The following KCNH7 variants were observed in gnomAD, a reference collection of about 807,000 sequenced individuals.
KCNH7 encodes potassium voltage-gated channel subfamily H member 7.
Under a neutral mutation model 120.8 loss-of-function variants are expected in KCNH7, and 49 were observed. The observed-to-expected ratio is 0.41, with a 90% CI of 0.32 to 0.51. The LOEUF is 0.51. Among genes scored for constraint, KCNH7 ranks in the 20% least tolerant of loss-of-function variants. The pLI is 0.38. For synonymous variants in KCNH7, 547 were observed against 516.1 expected (o/e 1.06, Z -0.81); for missense variants, 1,097 against 1,446.6 (o/e 0.76, Z 3.92).
intron 2 of KCNH7, among the ~76,000 whole-genome samples, chr2:162,731,276 T>C (rs992331375): frequency 6.7e-6 from 1 of 148,992 alleles, no homozygotes; most frequent in Non-Finnish European, 1.5e-5. Context: ...TAATATATAA[T>C]ATTAGTAAAA....
At chr2:162,513,246 C>G (rs1345353071) in intron 4 of KCNH7, among the ~76,000 whole-genome samples, 1 of 125,994 alleles carries the variant, frequency 7.9e-6, no homozygotes, top group African/African-American at 2.8e-5. Context: ...CCCTTTCTCC[C>G]TTCCCTCTTT....
chr2:162,470,724 C>T (rs1689493930), intron 6 of KCNH7, among the ~76,000 whole-genome samples: 1 of 152,128 alleles, frequency 6.6e-6, no homozygotes, highest in African/African-American at 2.4e-5. Context: ...TCTGCTCGGC[C>T]ACCACCCCGT....
At chr2:162,773,893 A>G (rs1187738525) in intron 2 of KCNH7, among the ~76,000 whole-genome samples, 2 of 152,198 alleles carry the variant, frequency 1.3e-5, no homozygotes, top group Non-Finnish European at 2.9e-5. Flanking sequence ...AATTACAAAC[A>G]CAAAAAATAT....
intron 2 of KCNH7, among the ~76,000 whole-genome samples, chr2:162,764,600 C>G (rs752682507): frequency 1.3e-5 from 2 of 152,084 alleles, no homozygotes; most frequent in African/African-American, 4.8e-5. Context: ...AATAATCACT[C>G]TCTTTACAGA....
intron 6 of KCNH7, among the ~76,000 whole-genome samples, chr2:162,478,924 T>C (rs867845855): frequency 3.3e-5 from 5 of 152,090 alleles, no homozygotes; most frequent in African/African-American, 9.7e-5. Context: ...TCCTTAATCA[T>C]TGTGACTCCC....
chr2:162,396,814 T>A lies in KCNH7; in HGVS notation c.2539A>T (p.Met847Leu). The change falls in exon 11 of 16, where the codon ATG (methionine) becomes TTG (leucine). Residue 847 changes from methionine (M) to leucine (L), a missense_variant. By Grantham distance (15) the Met-to-Leu change is conservative. Transcript: ENST00000332142. ...AAGTGATCAGAAAACTCAGGATACA[T>A]ATCCAAAACCTCTAACAAGTCTTCT... ...QREDLLEVLDMYPEFSDHFLT... is the reference protein window; with the variant it reads ...QREDLLEVLDLYPEFSDHFLT... 6.2e-7 allele frequency: 1 copy of A among 1,611,890 alleles called. No homozygotes were observed. Among genetic ancestry groups the A allele is most frequent in the South Asian group, 1.1e-5 (1 of 91,040 alleles).
At chr2:162,718,012 GTCTC>G (rs928385025) in intron 2 of KCNH7, among the ~76,000 whole-genome samples, 24 of 150,616 alleles carry the variant, frequency 1.6e-4, no homozygotes, top group Admixed American at 1.4e-3. Flanking sequence ...TTGGTTCATT[GTCTC>G]TCTCCCTTTT....
intron 13 of KCNH7, among the ~76,000 whole-genome samples, chr2:162,383,530 G>A (rs1469397558): frequency 6.6e-6 from 1 of 151,884 alleles, no homozygotes; most frequent in Non-Finnish European, 1.5e-5. Flanking sequence ...TAAAGCCTAA[G>A]TATCCTAGAT....
chr2:162,712,203 G>A (rs1389541309), intron 2 of KCNH7, among the ~76,000 whole-genome samples: 1 of 151,888 alleles, frequency 6.6e-6, no homozygotes. Flanking sequence ...AAGTGAAGAA[G>A]TTTAATGTCA....
intron 2 of KCNH7, among the ~76,000 whole-genome samples, chr2:162,774,788 T>G (rs919221985): frequency 6.6e-6 from 1 of 152,198 alleles, no homozygotes; most frequent in Non-Finnish European, 1.5e-5. Flanking sequence ...TTTTGGTGTC[T>G]TTCGAGTCTC....
rs181903177 is a variant in KCNH7 at position 162,720,050 on chromosome 2, A to G, written c.307+116487T>C. On this transcript the variant is annotated intron_variant, in intron 2 of 15. Coordinates refer to ENST00000332142, the MANE Select transcript of KCNH7 (RefSeq NM_033272.4). ...ACATAGCCTTTATTGCTGCCTTGAG[A>G]TAGGTCTTATCAGGAAGTCCACGAA... Among the ~76,000 whole-genome samples, 214 of 152,136 alleles carry G rather than the reference A, an allele frequency of 1.4e-3. 1 individual carries two copies. Among genetic ancestry groups the G allele is most frequent in the Middle Eastern group, 3.4e-3 (1 of 294 alleles).
chr2:162,580,608 G>T (rs1429664552), intron 2 of KCNH7, among the ~76,000 whole-genome samples: 1 of 152,040 alleles, frequency 6.6e-6, no homozygotes, highest in East Asian at 1.9e-4. Context: ...ATCTTCATGG[G>T]TTGTTGTAGA....
intron 2 of KCNH7, among the ~76,000 whole-genome samples, chr2:162,779,042 A>G (rs916963915): frequency 1.3e-5 from 2 of 151,754 alleles, no homozygotes; most frequent in Admixed American, 1.3e-4. Flanking sequence ...TGTAATTTTA[A>G]TTACTTATCA....
At chr2:162,683,941 AACTATAGTACT>A (rs1685797054) in intron 2 of KCNH7, among the ~76,000 whole-genome samples, 1 of 152,076 alleles carries the variant, frequency 6.6e-6, no homozygotes, top group African/African-American at 2.4e-5. Context: ...CCTGACTTCT[AACTATAGTACT>A]ACAAGGCTAC....
chr2:162,404,077 A>C (rs1687138664), intron 9 of KCNH7, among the ~76,000 whole-genome samples: 1 of 151,560 alleles, frequency 6.6e-6, no homozygotes. Context: ...CTGACATAGG[A>C]CCTCCTCATT....
At chr2:162,490,820 C>G (rs998184601) in intron 6 of KCNH7, among the ~76,000 whole-genome samples, 3 of 152,180 alleles carry the variant, frequency 2.0e-5, no homozygotes, top group Non-Finnish European at 4.4e-5. Context: ...GTTAAGGGTG[C>G]TGCTGCAAAC....
At chr2:162,398,247 C>T (rs1000156332) in intron 10 of KCNH7, among the ~76,000 whole-genome samples, 1 of 151,796 alleles carries the variant, frequency 6.6e-6, no homozygotes, top group Non-Finnish European at 1.5e-5. Flanking sequence ...AGTTCTTGTA[C>T]ACCTCACTGT....
chr2:162,724,889 G>A (rs1051814371), intron 2 of KCNH7, among the ~76,000 whole-genome samples: 12 of 152,096 alleles, frequency 7.9e-5, no homozygotes, highest in African/African-American at 2.9e-4. Context: ...AAAGGAAAAG[G>A]TTACTTCCTT....
At chr2:162,414,102 T>C (rs1237475733) in intron 9 of KCNH7, among the ~76,000 whole-genome samples, 4 of 151,612 alleles carry the variant, frequency 2.6e-5, no homozygotes, top group Non-Finnish European at 5.9e-5. Flanking sequence ...TGGCAAAAAT[T>C]GAAAAGAACC....
Sources: gnomAD v4.1 joint callset for allele counts (sites outside exome capture counted in the v4.1 genomes callset) on GRCh38, gnomAD v4.1.1 for gene constraint, MANE v1.5 for transcripts, NCBI Gene and HGNC (gene_info 2026-07-23, HGNC 2026-07-21) for gene names.